BMPR1A: variants seen among roughly 807,000 people sequenced by gnomAD.
BMPR1A encodes bone morphogenetic protein receptor type-1A.
BMPR1A carries 7 observed loss-of-function variants against 66.0 expected under a neutral mutation model. That is an observed-to-expected ratio of 0.11 (90% confidence interval 0.06 to 0.20). The LOEUF (loss-of-function observed/expected upper bound fraction) is 0.20, where lower values mean the gene tolerates loss of function less well. Ranked by LOEUF, BMPR1A falls within the 10% of genes least tolerant of loss-of-function variation. The pLI is 1.00. For synonymous variants in BMPR1A, 200 were observed against 229.7 expected (o/e 0.87, Z 1.17); for missense variants, 408 against 669.1 (o/e 0.61, Z 4.31).
At chr10:86,773,819 A>T (rs1353241805) in intron 1 of BMPR1A, among the ~76,000 whole-genome samples, 1 of 151,536 alleles carries the variant, frequency 6.6e-6, no homozygotes, top group African/African-American at 2.4e-5. Context: ...TCACTGTGAT[A>T]TGCACATTTT....
intron 2 of BMPR1A, among the ~76,000 whole-genome samples, chr10:86,872,075 G>C (rs1260862182): frequency 6.6e-6 from 1 of 152,198 alleles, no homozygotes; most frequent in Non-Finnish European, 1.5e-5. Context: ...CTGCATGCAT[G>C]TCTTAGGAGT....
rs142763182 is a variant in BMPR1A at position 86,785,984 on chromosome 10, A to G, written c.-268+29065A>G. On this transcript the variant is annotated intron_variant, in intron 1 of 12. Coordinates refer to ENST00000372037, the MANE Select transcript of BMPR1A (RefSeq NM_004329.3). ...TAGACCTGCTCCTTCTCAATCCTTCAACGTCACTTTCACCGTCTTTAGCAC... is the reference window on the plus strand; with the variant it reads ...TAGACCTGCTCCTTCTCAATCCTTCGACGTCACTTTCACCGTCTTTAGCAC... 6.7e-3 allele frequency among the ~76,000 whole-genome samples: 1,025 copies of G among 152,206 alleles called. 4 individuals carry two copies. Among genetic ancestry groups the G allele is most frequent in the Admixed American group, 0.011 (162 of 15,288 alleles).
chr10:86,853,040 AAAT>A (rs1842593588), intron 2 of BMPR1A, among the ~76,000 whole-genome samples: 1 of 152,240 alleles, frequency 6.6e-6, no homozygotes, highest in Non-Finnish European at 1.5e-5. Context: ...TATAAAGTAC[AAAT>A]AATACTGAGG....
intron 7 of BMPR1A, among the ~76,000 whole-genome samples, chr10:86,903,148 C>T (rs1843335267): frequency 6.6e-6 from 1 of 152,130 alleles, no homozygotes; most frequent in African/African-American, 2.4e-5. Context: ...TTCACAATAT[C>T]TGCCATCCAA....
In BMPR1A at chr10:86,812,366, T is replaced by C. The variant is rs562588819; in HGVS notation, c.-267-26499T>C. The stretch of plus-strand genomic sequence containing the variant: ...TGAAGAGTGTTGTCCCTTTCTGTGG[T>C]TGATTATCATTCCATTGGATGGATG... On this transcript the variant is annotated intron_variant, in intron 1 of 12. Transcript: ENST00000372037. 5.3e-5 allele frequency among the ~76,000 whole-genome samples: 8 copies of C among 152,338 alleles called. No homozygotes were observed. The East Asian group carries it at 1.4e-3, about 26-fold the overall frequency.
downstream of BMPR1A, chr10:86,931,873 T>C (rs886216602): frequency 1.3e-5 from 2 of 152,192 alleles, no homozygotes; most frequent in Non-Finnish European, 2.9e-5. Flanking sequence ...TAGAACTTTC[T>C]AGAACAAATC....
chr10:86,770,304 TG>T (rs1841234276), intron 1 of BMPR1A, among the ~76,000 whole-genome samples: 1 of 152,120 alleles, frequency 6.6e-6, no homozygotes, highest in Non-Finnish European at 1.5e-5. Flanking sequence ...CCCAGCTTCT[TG>T]GGCAACTGAG....
At position 86,890,090 on chromosome 10, in the gene BMPR1A, C is replaced by G; in HGVS notation, c.96C>G (p.Gly32=). ...QGQNLDSMLH[G]TGMKSDSDQK... is the part of the protein sequence containing the mutation. ...AGAATCTGGATAGTATGCTTCATGG[C>G]ACTGGGATGAAATCAGACTCCGACC... is the stretch of plus-strand genomic sequence containing the variant. The change falls in exon 4 of 13, where the codon GGC becomes GGG. Residue 32 remains glycine (G), a synonymous_variant. Coordinates refer to ENST00000372037, the MANE Select transcript of BMPR1A (RefSeq NM_004329.3). The G allele has an allele frequency of 6.2e-7, 1 of 1,613,422 alleles. No individual in the cohort carries two copies. The highest frequency in any genetic ancestry group is 1.1e-5 in the South Asian group (1 of 91,048).
intron 1 of BMPR1A, among the ~76,000 whole-genome samples, chr10:86,804,437 G>A (rs957558838): frequency 1.3e-5 from 2 of 151,888 alleles, no homozygotes; most frequent in Admixed American, 6.6e-5. Context: ...ATGGGGTTTC[G>A]CCATCTCCTG....
At chr10:86,820,303 A>G (rs567420798) in intron 1 of BMPR1A, among the ~76,000 whole-genome samples, 18 of 152,148 alleles carry the variant, frequency 1.2e-4, no homozygotes, top group Admixed American at 8.5e-4. Context: ...TTGGCCTCCC[A>G]AAGTGTTGGG....
intron 2 of BMPR1A, among the ~76,000 whole-genome samples, chr10:86,862,854 C>T (rs563217405): frequency 3.3e-5 from 5 of 151,646 alleles, no homozygotes; most frequent in South Asian, 2.1e-4. Flanking sequence ...AGGCTGTCAA[C>T]GGAGGTGGGA....
At chr10:86,921,379 G>GA (rs888356823) in intron 10 of BMPR1A, 141 bp from the exon 11 acceptor site, 14 of 1,126,880 alleles carry the variant, frequency 1.2e-5, no homozygotes, top group Admixed American at 4.3e-5. Context: ...TGTATTTAAA[G>GA]AAAAATCTGA....
intron 1 of BMPR1A, among the ~76,000 whole-genome samples, chr10:86,767,499 TGA>T (rs1841185319): frequency 6.6e-6 from 1 of 152,072 alleles, no homozygotes; most frequent in African/African-American, 2.4e-5. Flanking sequence ...GGCAATATGT[TGA>T]GACTCTGTCT....
intron 3 of BMPR1A, among the ~76,000 whole-genome samples, chr10:86,883,428 T>G (rs1843019684): frequency 6.6e-6 from 1 of 151,118 alleles, no homozygotes; most frequent in Admixed American, 6.6e-5. Context: ...CGGGCGCCTG[T>G]AGTCCCAGCT....
intron 2 of BMPR1A, chr10:86,855,753 T>C: frequency 9.9e-7 from 1 of 1,007,038 alleles, no homozygotes; most frequent in East Asian, 2.4e-5. Context: ...TTTTTCATTA[T>C]GCTTTTTTGG....
At chr10:86,875,816 T>A (rs563975109) in intron 2 of BMPR1A, 51 bp from the exon 3 acceptor site, 100 of 597,466 alleles carry the variant, frequency 1.7e-4, no homozygotes, top group Middle Eastern at 9.0e-4. Context: ...TTTTGAAAAA[T>A]TTCCAAAATT....
At chr10:86,847,383 T>C (rs1842502094) in intron 2 of BMPR1A, among the ~76,000 whole-genome samples, 1 of 152,102 alleles carries the variant, frequency 6.6e-6, no homozygotes, top group African/African-American at 2.4e-5. Context: ...GTGTCACAGA[T>C]ACTCCAGTTT....
At chr10:86,778,294 A>T (rs1841384482) in intron 1 of BMPR1A, among the ~76,000 whole-genome samples, 1 of 151,706 alleles carries the variant, frequency 6.6e-6, no homozygotes, top group Non-Finnish European at 1.5e-5. Context: ...GTTTTATTTA[A>T]TTTTTTTATT....
At chr10:86,781,729 A>T (rs189699547) in intron 1 of BMPR1A, among the ~76,000 whole-genome samples, 3 of 151,778 alleles carry the variant, frequency 2.0e-5, no homozygotes, top group African/African-American at 7.3e-5. Context: ...TTCTGTCTCT[A>T]TGAGTTTGAT....
Sources: allele counts gnomAD v4.1 joint callset (sites outside exome capture counted in the v4.1 genomes callset), GRCh38; gene constraint gnomAD v4.1.1; transcripts MANE v1.5; gene names NCBI Gene and HGNC (gene_info 2026-07-23, HGNC 2026-07-21).